ZFHX3: variants seen among roughly 807,000 people sequenced by gnomAD.
The protein encoded by ZFHX3 is zinc finger homeobox protein 3.
ZFHX3 carries 42 observed loss-of-function variants against 279.1 expected under a neutral mutation model. The ratio of observed to expected loss-of-function variants is 0.15; its 90% confidence interval spans 0.12 to 0.19. The LOEUF (loss-of-function observed/expected upper bound fraction) is 0.19, where lower values mean the gene tolerates loss of function less well. Ranked by LOEUF, ZFHX3 falls within the 10% of genes least tolerant of loss-of-function variation. The pLI, the probability that ZFHX3 is intolerant of heterozygous loss-of-function variation, is 1.00. For synonymous variants in ZFHX3, 2,293 were observed against 1,957.8 expected (o/e 1.17, Z -4.52); for missense variants, 4,981 against 4,754.0 (o/e 1.05, Z -1.40).
At chr16:73,562,746 G>T (rs1243776075) in intron 2 of ZFHX3, among the ~76,000 whole-genome samples, 1 of 151,324 alleles carries the variant, frequency 6.6e-6, no homozygotes, top group Non-Finnish European at 1.5e-5. Context: ...AAAATTATTT[G>T]GAAATAAAAA....
chr16:73,490,418 G>A (rs1463271363), intron 2 of ZFHX3, among the ~76,000 whole-genome samples: 1 of 152,124 alleles, frequency 6.6e-6, no homozygotes, highest in East Asian at 1.9e-4. Flanking sequence ...ATTTTATTTT[G>A]GTTTAACCAA....
At chr16:73,306,932 A>C (rs1227263306) in intron 4 of ZFHX3, among the ~76,000 whole-genome samples, 3 of 152,220 alleles carry the variant, frequency 2.0e-5, no homozygotes, top group Admixed American at 2.0e-4. Context: ...GTGAAGGCTA[A>C]ATGAAAACCT....
At chr16:73,627,054 G>T (rs1484870507) in intron 2 of ZFHX3, among the ~76,000 whole-genome samples, 2 of 152,136 alleles carry the variant, frequency 1.3e-5, no homozygotes, top group African/African-American at 4.8e-5. Flanking sequence ...ATAATATATT[G>T]TTATGATTAT....
intron 2 of ZFHX3, among the ~76,000 whole-genome samples, chr16:73,484,970 G>GA (rs11407891): frequency 0.015 from 2,214 of 145,924 alleles, 45 homozygotes; most frequent in African/African-American, 0.048. Flanking sequence ...TTCCCATAAG[G>GA]AAAAAAAAAA....
intron 2 of ZFHX3, among the ~76,000 whole-genome samples, chr16:73,557,608 T>C (rs1722329451): frequency 6.6e-6 from 1 of 152,146 alleles, no homozygotes; most frequent in Non-Finnish European, 1.5e-5. Context: ...ATTTGTAAAC[T>C]GTCATGGTGC....
At chr16:73,511,275 T>C (rs2019423917) in intron 2 of ZFHX3, among the ~76,000 whole-genome samples, 1 of 152,240 alleles carries the variant, frequency 6.6e-6, no homozygotes, top group South Asian at 2.1e-4. Flanking sequence ...GGCACTGGCC[T>C]TCCTCTGTTC....
intron 5 of ZFHX3, among the ~76,000 whole-genome samples, chr16:73,243,186 C>T (rs1433837950): frequency 1.3e-5 from 2 of 152,210 alleles, no homozygotes; most frequent in African/African-American, 4.8e-5. Context: ...AAGCAGGTAT[C>T]AACATTTTGA....
At chr16:73,045,829 A>G (rs1965279479) in intron 1 of ZFHX3, among the ~76,000 whole-genome samples, 2 of 146,706 alleles carry the variant, frequency 1.4e-5, no homozygotes, top group African/African-American at 5.1e-5. Flanking sequence ...TGAGAGAGGG[A>G]AGTGACCCAT....
intron 1 of ZFHX3, among the ~76,000 whole-genome samples, chr16:73,878,940 G>GAGATATATATAT (rs2030046868): frequency 7.1e-6 from 1 of 141,030 alleles, no homozygotes; most frequent in African/African-American, 2.6e-5. Flanking sequence ...AAAAAGATAA[G>GAGATATATATAT]ATATATATAT....
At chr16:73,004,044 G>T (rs1385937765) in intron 1 of ZFHX3, among the ~76,000 whole-genome samples, 1 of 149,722 alleles carries the variant, frequency 6.7e-6, no homozygotes, top group African/African-American at 2.5e-5. Flanking sequence ...GGTCTCATTT[G>T]GCTCTTCAAA....
intron 1 of ZFHX3, among the ~76,000 whole-genome samples, chr16:73,839,456 T>C (rs1182168316): frequency 6.7e-6 from 1 of 149,388 alleles, no homozygotes; most frequent in African/African-American, 2.5e-5. Context: ...TATGAGCATA[T>C]GAAGAGCCAA....
At chr16:73,029,226 T>TATC (rs1250734816) in intron 1 of ZFHX3, among the ~76,000 whole-genome samples, 1 of 152,172 alleles carries the variant, frequency 6.6e-6, no homozygotes, top group Non-Finnish European at 1.5e-5. Context: ...AGGCCCCTTC[T>TATC]ATCACCTCCC....
exon 1 of ZFHX3, chr16:73,058,651 G>C (rs1377560613): frequency 8.3e-6 from 2 of 241,896 alleles, no homozygotes; most frequent in African/African-American, 2.3e-5. Context: ...CATCAAGGCA[G>C]CAGCGGCGGC....
chr16:73,307,258 C>G (rs542825512), intron 4 of ZFHX3, among the ~76,000 whole-genome samples: 54 of 152,288 alleles, frequency 3.5e-4, no homozygotes, highest in Admixed American at 2.5e-3. Context: ...CTGCTGAATA[C>G]CTTTGAAAAA....
chr16:73,552,356 A>G (rs1324973361), intron 2 of ZFHX3, among the ~76,000 whole-genome samples: 3 of 152,218 alleles, frequency 2.0e-5, no homozygotes, highest in Non-Finnish European at 4.4e-5. Flanking sequence ...TGGCACCTAA[A>G]AAGTATACCA....
At chr16:73,610,302 C>T (rs910122931) in intron 2 of ZFHX3, among the ~76,000 whole-genome samples, 5 of 152,176 alleles carry the variant, frequency 3.3e-5, no homozygotes, top group Admixed American at 2.0e-4. Context: ...CGCAATCACT[C>T]ACAAAAGGAG....
At chr16:73,484,721 T>C (rs2018942863) in intron 2 of ZFHX3, among the ~76,000 whole-genome samples, 1 of 152,218 alleles carries the variant, frequency 6.6e-6, no homozygotes, top group Non-Finnish European at 1.5e-5. Flanking sequence ...TTTCCTATGT[T>C]TTAGCATCTG....
chr16:73,773,200 G>A (rs1335877170), intron 1 of ZFHX3, among the ~76,000 whole-genome samples: 2 of 152,350 alleles, frequency 1.3e-5, no homozygotes, highest in African/African-American at 4.8e-5. Flanking sequence ...ACAGTGGCTA[G>A]TGGCTACCGT....
chr16:73,360,630 T>C (rs1174586667), intron 3 of ZFHX3, among the ~76,000 whole-genome samples: 1 of 152,236 alleles, frequency 6.6e-6, no homozygotes, highest in Non-Finnish European at 1.5e-5. Context: ...TGAGCCACCA[T>C]GCCCAGCCGT....
Sources: allele counts gnomAD v4.1 joint callset (sites outside exome capture counted in the v4.1 genomes callset), GRCh38; gene constraint gnomAD v4.1.1; transcripts MANE v1.5; gene names NCBI Gene and HGNC (gene_info 2026-07-23, HGNC 2026-07-21).